The following ZHX2 variants were observed in gnomAD, a reference collection of about 807,000 sequenced individuals.
The protein encoded by ZHX2 is zinc fingers and homeoboxes protein 2.
A neutral mutation model predicts 21.9 loss-of-function variants in ZHX2; 6 were observed. That is an observed-to-expected ratio of 0.27 (90% CI 0.15 to 0.54). ZHX2 has a LOEUF of 0.54. Among genes scored for constraint, ZHX2 ranks in the 20% least tolerant of loss-of-function variants. The pLI, the probability that ZHX2 is intolerant of heterozygous loss-of-function variation, is 0.95. For synonymous variants in ZHX2, 434 were observed against 437.1 expected (o/e 0.99, Z 0.09); for missense variants, 908 against 1,090.7 (o/e 0.83, Z 2.36).
At chr8:122,794,589 G>A (rs752917277) in intron 1 of ZHX2, among the ~76,000 whole-genome samples, 2 of 152,066 alleles carry the variant, frequency 1.3e-5, no homozygotes, top group Non-Finnish European at 2.9e-5. Flanking sequence ...TTTTTTAATG[G>A]ACTCTCCAGT....
At chr8:122,927,169 G>A (rs989639667) in intron 2 of ZHX2, among the ~76,000 whole-genome samples, 3 of 152,152 alleles carry the variant, frequency 2.0e-5, no homozygotes, top group Admixed American at 6.5e-5. Context: ...AATAAATAGT[G>A]TTGTATTAGT....
intron 2 of ZHX2, among the ~76,000 whole-genome samples, chr8:122,934,627 C>T (rs539833945): frequency 1.3e-5 from 2 of 148,814 alleles, no homozygotes; most frequent in African/African-American, 5.1e-5. Context: ...TCCTTCTTTC[C>T]TTCCTTCCTT....
intron 1 of ZHX2, among the ~76,000 whole-genome samples, chr8:122,788,898 CCT>C (rs1192412769): frequency 1.3e-5 from 2 of 152,222 alleles, no homozygotes; most frequent in Non-Finnish European, 2.9e-5. Context: ...TACAAATCCG[CCT>C]CTGTTATCTA....
intron 1 of ZHX2, among the ~76,000 whole-genome samples, chr8:122,802,134 G>A (rs955399068): frequency 1.3e-5 from 2 of 152,122 alleles, no homozygotes. Flanking sequence ...CACAATCTCA[G>A]CTCACTACAG....
At position 122,851,209 on chromosome 8, in the gene ZHX2, ATG is replaced by A. The variant is rs1310118202; in HGVS notation, c.-282-12267_-282-12266del. ...AGAACGGCCAAGATTTATGGATAAA[ATG>A]AAGTGTGAGAGAAAAAGAAGAAAGG... is the stretch of plus-strand genomic sequence containing the variant. On this transcript the variant is annotated intron_variant, in intron 1 of 3. Coordinates refer to ENST00000314393, the MANE Select transcript of ZHX2 (RefSeq NM_014943.5). 1.1e-3 allele frequency among the ~76,000 whole-genome samples: 172 copies of A among 152,338 alleles called. 3 individuals are homozygous for A. The South Asian group carries it at 0.035, about 31-fold the overall frequency.
At chr8:122,842,707 CA>C (rs771331736) in intron 1 of ZHX2, among the ~76,000 whole-genome samples, 3 of 148,036 alleles carry the variant, frequency 2.0e-5, no homozygotes, top group Non-Finnish European at 1.5e-5. Context: ...GACTCCATCT[CA>C]AAAAAAAAAC....
At chr8:122,959,863 T>C (rs1009893091) in intron 3 of ZHX2, among the ~76,000 whole-genome samples, 1 of 152,206 alleles carries the variant, frequency 6.6e-6, no homozygotes, top group African/African-American at 2.4e-5. Context: ...CTTCTCACCC[T>C]AGGAATTCTC....
chr8:122,909,248 G>T (rs113771483), intron 2 of ZHX2, among the ~76,000 whole-genome samples: 9,019 of 152,026 alleles, frequency 0.059, 766 homozygotes, highest in African/African-American at 0.19. Flanking sequence ...TTGGCCCACA[G>T]GGTGAAACCC....
chr8:122,895,820 CA>C (rs1356559560), intron 2 of ZHX2, among the ~76,000 whole-genome samples: 1 of 151,962 alleles, frequency 6.6e-6, no homozygotes, highest in Non-Finnish European at 1.5e-5. Context: ...CAGAACCATG[CA>C]AAAAATCTCC....
At chr8:122,811,367 C>A (rs188337666) in intron 1 of ZHX2, among the ~76,000 whole-genome samples, 2 of 152,228 alleles carry the variant, frequency 1.3e-5, no homozygotes, top group East Asian at 1.9e-4. Context: ...GGTGACAGAG[C>A]GAGACCCTGT....
chr8:122,878,322 A>G (rs1380904588), intron 2 of ZHX2, among the ~76,000 whole-genome samples: 1 of 152,204 alleles, frequency 6.6e-6, no homozygotes, highest in Non-Finnish European at 1.5e-5. Context: ...CTTATTTAGC[A>G]TGAAAGTCTA....
At chr8:122,822,389 C>A (rs879658644) in intron 1 of ZHX2, among the ~76,000 whole-genome samples, 6 of 152,062 alleles carry the variant, frequency 3.9e-5, no homozygotes, top group Non-Finnish European at 7.4e-5. Context: ...AAAACTGAGG[C>A]CCAGGGAACA....
chr8:122,824,604 GAGAA>G (rs1220737227), intron 1 of ZHX2, among the ~76,000 whole-genome samples: 9 of 152,178 alleles, frequency 5.9e-5, no homozygotes, highest in Admixed American at 4.6e-4. Context: ...ATGTTTTTCG[GAGAA>G]AGAAACAGAG....
In ZHX2 at chr8:122,782,630, G is replaced by C. The variant is rs900065066; in HGVS notation, c.-283+684G>C. Among the ~76,000 whole-genome samples, 1 of 152,156 alleles carries C rather than the reference G, an allele frequency of 6.6e-6. No homozygotes were observed. The highest frequency in any genetic ancestry group is 1.5e-5 in the Non-Finnish European group (1 of 67,990). ...GTCGCTCCCGGCGGCTGCAGGCAGC[G>C]GGCGCGCAGCGCGGGCGGCAGCCGA... On this transcript the variant is annotated intron_variant, in intron 1 of 3. Transcript: ENST00000314393. The surrounding 1 kb of genome is among the most constrained non-coding windows in gnomAD (Gnocchi z 5.3).
chr8:122,971,861 C>CA (rs774795441), intron 3 of ZHX2, among the ~76,000 whole-genome samples: 9 of 152,136 alleles, frequency 5.9e-5, no homozygotes, highest in African/African-American at 1.9e-4. Flanking sequence ...CTACCTACCA[C>CA]AAAGTATTGC....
chr8:122,822,230 G>A (rs1818168128), intron 1 of ZHX2, among the ~76,000 whole-genome samples: 1 of 152,272 alleles, frequency 6.6e-6, no homozygotes, highest in Middle Eastern at 3.4e-3. Context: ...CTAAGTGAAC[G>A]AAGGCCCAGC....
At position 122,952,286 on chromosome 8, in the gene ZHX2, C is replaced by T. The variant is rs1201899216; in HGVS notation, c.776C>T (p.Pro259Leu). 1.2e-6 allele frequency: 2 copies of T among 1,614,056 alleles called. No individual in the cohort carries two copies. The highest frequency in any genetic ancestry group is 1.7e-5 in the Admixed American group (1 of 60,004). The stretch of plus-strand genomic sequence containing the variant: ...AATATCAACCTTGTGCCCAAGGTCC[C>T]TGTCCCACTAAATACTACCAAATAC... ...PPNINLVPKV[P>L]VPLNTTKYNS... is the part of the protein sequence containing the mutation. The change falls in exon 3 of 4, where the codon CCT (proline) becomes CTT (leucine). Residue 259 changes from proline (P) to leucine (L), a missense_variant. Around this residue, in one of 4 missense-constraint regions of ZHX2, gnomAD observed 232 missense variants for 361.8 expected, o/e 0.64. Coordinates refer to ENST00000314393, the MANE Select transcript of ZHX2 (RefSeq NM_014943.5). This position sits in a 1 kb window ranked among gnomAD's most constrained non-coding sequence, Gnocchi z 6.9.
At chr8:122,809,374 C>T (rs969385369) in intron 1 of ZHX2, among the ~76,000 whole-genome samples, 9 of 152,148 alleles carry the variant, frequency 5.9e-5, no homozygotes, top group African/African-American at 2.2e-4. Flanking sequence ...GTGGTAGGCG[C>T]CTGTAATCCC....
intron 2 of ZHX2, among the ~76,000 whole-genome samples, chr8:122,896,966 G>T (rs928413357): frequency 6.6e-6 from 1 of 152,208 alleles, no homozygotes; most frequent in Non-Finnish European, 1.5e-5. Flanking sequence ...GTGAAATGGG[G>T]ATAAATATAC....
Sources: gnomAD v4.1 joint callset for allele counts (sites outside exome capture counted in the v4.1 genomes callset) on GRCh38, gnomAD v4.1.1 for gene constraint, gnomAD v4.1.1 regional missense constraint, Gnocchi (gnomAD v3.1) non-coding constraint, MANE v1.5 for transcripts, NCBI Gene and HGNC (gene_info 2026-07-23, HGNC 2026-07-21) for gene names.